The following IDO2 variants were observed in gnomAD, a reference collection of about 807,000 sequenced individuals.
The protein encoded by IDO2 is indoleamine 2,3-dioxygenase 2.
Under a neutral mutation model 45.1 loss-of-function variants are expected in IDO2, and 46 were observed. That is an observed-to-expected ratio of 1.02 (90% CI 0.80 to 1.30). The LOEUF (loss-of-function observed/expected upper bound fraction) is 1.30, where lower values mean the gene tolerates loss of function less well. Among genes scored for constraint, IDO2 ranks in the 50% most tolerant of loss-of-function variants. IDO2 has a pLI of 0.00. For missense variants in IDO2, 544 were observed against 491.8 expected (o/e 1.11, Z -1.00); for synonymous variants, 218 against 184.9 (o/e 1.18, Z -1.45).
At chr8:39,987,941 G>C (rs1429913612) in exon 7 of IDO2, 1 of 1,609,746 alleles carries the variant, frequency 6.2e-7, no homozygotes, top group African/African-American at 1.3e-5. Context: ...GACTGCTTTG[G>C]TAGAGAAAGA....
At chr8:39,955,566 G>A (rs946119362) in intron 2 of IDO2, among the ~76,000 whole-genome samples, 14 of 152,006 alleles carry the variant, frequency 9.2e-5, no homozygotes, top group Admixed American at 3.3e-4. Flanking sequence ...GAATGACTGA[G>A]CTCTCATGCC....
At position 40,003,059 on chromosome 8, in the gene IDO2, T is replaced by C. The variant is rs35832129; in HGVS notation, c.668-2268T>C. Among the ~76,000 whole-genome samples the C allele has an allele frequency of 1.5e-3, 227 of 152,272 alleles. 1 individual carries two copies. Among genetic ancestry groups the C allele is most frequent in the Non-Finnish European group, 2.8e-3 (191 of 68,026 alleles). On this transcript the variant is annotated intron_variant, in intron 8 of 10. Coordinates refer to ENST00000502986, the Ensembl canonical transcript of IDO2. ...ACAGAGAACTCTTCTCTTCAATACA[T>C]TTCTTCTTTTAGGTATTCATATTGA...
intron 3 of IDO2, among the ~76,000 whole-genome samples, chr8:39,970,806 C>T (rs151330623): frequency 0.075 from 10,270 of 136,780 alleles, 405 homozygotes; most frequent in Middle Eastern, 0.14. Context: ...CTCACTCTGT[C>T]GCCAGGCTGG....
rs79701812 is a variant in IDO2 at position 39,972,768 on chromosome 8, A to T, written c.196-6299A>T. Among the ~76,000 whole-genome samples the T allele has an allele frequency of 4.1e-3, 621 of 152,218 alleles. 2 individuals are homozygous for T. The highest frequency in any genetic ancestry group is 0.015 in the African/African-American group (604 of 41,540). Reference sequence around the variant, plus strand: ...GCCACCCCAACCTTCAGCAACCAACATCCTGAACAGTAAGTAGCCATCAGC... The same window carrying T: ...GCCACCCCAACCTTCAGCAACCAACTTCCTGAACAGTAAGTAGCCATCAGC... On this transcript the variant is annotated intron_variant, in intron 3 of 10. Coordinates refer to ENST00000502986, the Ensembl canonical transcript of IDO2.
intron 3 of IDO2, among the ~76,000 whole-genome samples, chr8:39,972,179 A>C (rs1426938505): frequency 5.9e-5 from 9 of 152,148 alleles, no homozygotes; most frequent in Non-Finnish European, 1.3e-4. Flanking sequence ...CACAGAATTT[A>C]CTCGTGGTGA....
At chr8:40,013,767 GTTT>G in intron 10 of IDO2, 54 bp downstream of exon 10, 1 of 984,272 alleles carries the variant, frequency 1.0e-6, no homozygotes, top group Non-Finnish European at 1.3e-6. Flanking sequence ...GAGGAGAGGT[GTTT>G]TTTTTTTTTC....
intron 8 of IDO2, chr8:39,997,925 C>G (rs990722112): frequency 4.6e-6 from 1 of 219,632 alleles, no homozygotes; most frequent in African/African-American, 2.3e-5. Context: ...TAAGTCATAA[C>G]ATTTGTTGCT....
chr8:39,997,261 G>A (rs933341095), intron 8 of IDO2, among the ~76,000 whole-genome samples: 1 of 152,040 alleles, frequency 6.6e-6, no homozygotes, highest in African/African-American at 2.4e-5. Context: ...ATAAGAAACT[G>A]TCTACAAATT....
Position 39,979,234 on chromosome 8 carries a change from G to C in IDO2, c.315+48G>C, listed in dbSNP as rs1193161454. 6.4e-6 allele frequency: 10 copies of C among 1,551,692 alleles called. No individual in the cohort carries two copies. In the Admixed American group the frequency reaches 1.2e-4, roughly 18 times the overall value. ...TCCTGTTACCCGGCAGGTTACCTGC[G>C]CCTGGAGTAACGTGCTCCCTGCTTG... On this transcript the variant is annotated intron_variant, in intron 4 of 10. Coordinates refer to ENST00000502986, the Ensembl canonical transcript of IDO2.
At chr8:39,984,283 T>C (rs1481168188) in intron 5 of IDO2, among the ~76,000 whole-genome samples, 7 of 150,420 alleles carry the variant, frequency 4.7e-5, no homozygotes, top group Admixed American at 1.3e-4. Flanking sequence ...GAGACCAGCG[T>C]GGCCAACATG....
exon 5 of IDO2, chr8:39,982,664 A>T: frequency 6.2e-7 from 1 of 1,608,004 alleles, no homozygotes; most frequent in Non-Finnish European, 8.5e-7. Context: ...CCTGCCAAGG[A>T]ATCTTGCCCT....
At chr8:39,998,714 C>T (rs1802089100) in intron 8 of IDO2, among the ~76,000 whole-genome samples, 1 of 146,916 alleles carries the variant, frequency 6.8e-6, no homozygotes, top group South Asian at 2.2e-4. Flanking sequence ...GATCTCGGCT[C>T]ACTACAACCT....
intron 3 of IDO2, among the ~76,000 whole-genome samples, chr8:39,966,488 T>C (rs1808087363): frequency 6.6e-6 from 1 of 152,198 alleles, no homozygotes; most frequent in Admixed American, 6.5e-5. Context: ...GAGAGGCAAA[T>C]GTAATAGTTT....
rs1808414578 is a variant in IDO2 at position 39,985,864 on chromosome 8, T to A, written c.449+342T>A. The A allele has an allele frequency of 3.8e-5, 8 of 211,456 alleles. No individual in the cohort carries two copies. The South Asian group carries it at 5.5e-4, about 14-fold the overall frequency. The allele number at this position is 211,456 out of a possible 1,614,324, so 13.1% of individuals were successfully genotyped here. A position where few individuals can be genotyped will look rare whatever the true frequency, so the allele number is the denominator to read the frequency against. ...TTTTTTTTTTGAGACTGAGTCTTAG[T>A]CTGTTGCCCAGGTTGGAGTGCAGTG... On this transcript the variant is annotated intron_variant, in intron 6 of 10. Transcript: ENST00000502986.
At chr8:39,966,306 C>G (rs1808085059) in intron 3 of IDO2, among the ~76,000 whole-genome samples, 1 of 152,154 alleles carries the variant, frequency 6.6e-6, no homozygotes, top group African/African-American at 2.4e-5. Flanking sequence ...GGATTACAGG[C>G]CTGAGCCACC....
At chr8:39,988,022 C>A (rs1808450242) in intron 7 of IDO2, 52 bp downstream of exon 7, 1 of 1,056,838 alleles carries the variant, frequency 9.5e-7, no homozygotes, top group Non-Finnish European at 1.4e-6. Context: ...TTGAGCTTTA[C>A]TTCCCACTCA....
intron 3 of IDO2, 44 bp downstream of exon 3, chr8:39,963,747 C>A: frequency 1.7e-6 from 2 of 1,154,256 alleles, no homozygotes; most frequent in Non-Finnish European, 2.5e-6. Context: ...TTTTCATCAT[C>A]ATACCACTTT....
At chr8:39,984,372 G>A (rs1011848346) in intron 5 of IDO2, among the ~76,000 whole-genome samples, 3 of 152,338 alleles carry the variant, frequency 2.0e-5, no homozygotes, top group Middle Eastern at 3.4e-3. Context: ...CTACTCAGGA[G>A]GCTGAGGCAG....
chr8:39,989,967 G>A lies in IDO2; in HGVS notation c.667+129G>A, dbSNP rs1808477292. 8 of 597,784 alleles carry A rather than the reference G, an allele frequency of 1.3e-5. No individual in the cohort carries two copies. In the South Asian group the frequency reaches 1.8e-4, roughly 13 times the overall value. 37.0% of individuals were successfully genotyped at this position (597,784 alleles called of 1,614,324 possible). On this transcript the variant is annotated intron_variant, in intron 8 of 10. Transcript: ENST00000502986. Reference sequence around the variant, plus strand: ...CATTCATCCACCAGATGACGCTGGTGGACTATCTTTGTTTTAGGTTAAACA... The same window carrying A: ...CATTCATCCACCAGATGACGCTGGTAGACTATCTTTGTTTTAGGTTAAACA...
Sources: allele counts gnomAD v4.1 joint callset (sites outside exome capture counted in the v4.1 genomes callset), GRCh38; gene constraint gnomAD v4.1.1; transcripts MANE v1.5; gene names NCBI Gene and HGNC (gene_info 2026-07-23, HGNC 2026-07-21).